Variants in AVEN observed in about 807,000 individuals in gnomAD.
AVEN encodes the protein apoptosis and caspase activation inhibitor.
A neutral mutation model predicts 38.1 loss-of-function variants in AVEN; 41 were observed. The observed-to-expected ratio is 1.08, with a 90% CI of 0.84 to 1.40. The LOEUF (loss-of-function observed/expected upper bound fraction) is 1.40. Ranked by LOEUF, AVEN falls within the 40% of genes most tolerant of loss-of-function variation. The pLI is 0.00. For synonymous variants in AVEN, 206 were observed against 171.8 expected (o/e 1.20, Z -1.56); for missense variants, 605 against 438.8 (o/e 1.38, Z -3.38).
rs201350717 is a variant in AVEN, at chr15:34,063,131, T to C, written n.1428A>G. The C allele has an allele frequency of 1.2e-6, 2 of 1,614,124 alleles. No homozygotes were observed. Among genetic ancestry groups the C allele is most frequent in the East Asian group, 2.2e-5 (1 of 44,886 alleles). ...TTTCCATCACAAGACCCTTGACATATCGGGCCAAGCGTACTCCGAAAAGGG... is the reference window on the plus strand; with the variant it reads ...TTTCCATCACAAGACCCTTGACATACCGGGCCAAGCGTACTCCGAAAAGGG... On this transcript the variant is annotated non_coding_transcript_exon_variant, in exon 5 of 12. Transcript: ENST00000675287. This position sits in a 1 kb window ranked among gnomAD's most constrained non-coding sequence, Gnocchi z 4.1.
chr15:33,982,879 G>A (rs1896216052), intron 2 of AVEN, among the ~76,000 whole-genome samples: 1 of 151,946 alleles, frequency 6.6e-6, no homozygotes, highest in African/African-American at 2.4e-5. Flanking sequence ...CCCAACTTCT[G>A]AGGGAGATCA....
At chr15:33,951,386 CTTCAT>C (rs1894739207) in intron 2 of AVEN, among the ~76,000 whole-genome samples, 1 of 144,864 alleles carries the variant, frequency 6.9e-6, no homozygotes, top group South Asian at 2.2e-4. Flanking sequence ...TCAAAAATTC[CTTCAT>C]TTCATACACC....
intron 1 of AVEN, among the ~76,000 whole-genome samples, chr15:34,019,920 A>G (rs763779948): frequency 6.6e-6 from 1 of 152,238 alleles, no homozygotes; most frequent in African/African-American, 2.4e-5. Flanking sequence ...ATAGAATTGC[A>G]AAGTCTTAAG....
At chr15:33,913,509 A>T (rs1203419126) in intron 2 of AVEN, among the ~76,000 whole-genome samples, 2 of 152,218 alleles carry the variant, frequency 1.3e-5, no homozygotes, top group African/African-American at 2.4e-5. Context: ...ATCTAATATT[A>T]AAATTACCTT....
At chr15:33,915,345 G>A (rs1309436465) in intron 2 of AVEN, among the ~76,000 whole-genome samples, 1 of 152,162 alleles carries the variant, frequency 6.6e-6, no homozygotes, top group East Asian at 1.9e-4. Context: ...ACTGTTGCGT[G>A]CCCAGAGTGT....
chr15:34,066,948 C>T (rs745376325), intron 2 of AVEN: 1 of 152,160 alleles, frequency 6.6e-6, no homozygotes, highest in Non-Finnish European at 1.5e-5. Flanking sequence ...GACAACTAGA[C>T]TTCTATAGAA....
At chr15:33,917,351 GGTGTGTGT>G (rs148147589) in intron 2 of AVEN, among the ~76,000 whole-genome samples, 23 of 140,356 alleles carry the variant, frequency 1.6e-4, no homozygotes, top group African/African-American at 4.5e-4. Flanking sequence ...AAGAAAATGT[GGTGTGTGT>G]GTGTGTGTGT....
intron 4 of AVEN, chr15:34,064,479 A>G: frequency 1.3e-6 from 1 of 789,872 alleles, no homozygotes; most frequent in Non-Finnish European, 2.0e-6. Flanking sequence ...GGAAGGGGCC[A>G]TAGCTGCAGC....
At chr15:34,016,661 A>G (rs921883040) in intron 1 of AVEN, among the ~76,000 whole-genome samples, 2 of 152,218 alleles carry the variant, frequency 1.3e-5, no homozygotes, top group Admixed American at 1.3e-4. Context: ...GCCTGCTTGT[A>G]TGCTATGGAG....
Position 34,038,949 on chromosome 15 carries a change from G to A in AVEN, c.98C>T (p.Ala33Val), listed in dbSNP as rs1211979696. Residue 33 changes from alanine (A) to valine (V), a missense_variant, in exon 1 of 6, where the codon GCG becomes GTG. Physicochemically the swap from Ala to Val is moderately conservative, Grantham distance 64. Transcript: ENST00000306730. The part of the protein sequence containing the change: ...DRHSERPGAA[A>V]AVARGGGGGG... ...TCCGCCGCCGCCTCTGGCTACCGCC[G>A]CTGCGGCTCCGGGCCGCTCGCTGTG... is the stretch of plus-strand genomic sequence containing the variant. 2 of 1,102,534 alleles carry A rather than the reference G, an allele frequency of 1.8e-6. No homozygotes were observed. The highest frequency in any genetic ancestry group is 1.1e-6 in the Non-Finnish European group (1 of 910,842). 68.3% of individuals were successfully genotyped at this position (1,102,534 alleles called of 1,614,324 possible). A position where few individuals can be genotyped will look rare whatever the true frequency, so the allele number is the denominator to read the frequency against.
chr15:33,897,927 C>G (rs561966021), intron 2 of AVEN, among the ~76,000 whole-genome samples: 1 of 151,102 alleles, frequency 6.6e-6, no homozygotes, highest in Non-Finnish European at 1.5e-5. Context: ...TGGTAGCTCA[C>G]GCCTGTAATC....
downstream of AVEN, among the ~76,000 whole-genome samples, chr15:33,862,082 G>C (rs569373865): frequency 6.6e-6 from 1 of 152,160 alleles, no homozygotes; most frequent in African/African-American, 2.4e-5. Flanking sequence ...AGAATGTATA[G>C]AGTGTATAGA....
chr15:33,899,190 C>A (rs899476921), intron 2 of AVEN, among the ~76,000 whole-genome samples: 2 of 152,096 alleles, frequency 1.3e-5, no homozygotes, highest in Non-Finnish European at 2.9e-5. Flanking sequence ...CCCTATGACA[C>A]AGTGAAGAGG....
Position 34,015,906 on chromosome 15 carries a change from T to G in AVEN, c.268-12697A>C, listed in dbSNP as rs553675255. ...TCAACAATTGGAGACAGTACATTCCTGGCTCCTTAGATGCACTCTTAACTT... is the reference window on the plus strand; with the variant it reads ...TCAACAATTGGAGACAGTACATTCCGGGCTCCTTAGATGCACTCTTAACTT... On this transcript the variant is annotated intron_variant, in intron 1 of 5. Transcript: ENST00000306730. Among the ~76,000 whole-genome samples the G allele has an allele frequency of 1.5e-4, 23 of 152,370 alleles. No individual in the cohort carries two copies. The South Asian group carries it at 4.6e-3, about 30-fold the overall frequency.
At chr15:33,856,747 C>G (rs1478653771), downstream of AVEN, 2 of 152,608 alleles carry the variant, frequency 1.3e-5, no homozygotes, top group East Asian at 3.8e-4. Context: ...CAACCTCCGA[C>G]TCCTGGGTTC....
intron 2 of AVEN, chr15:34,067,091 C>T: frequency 6.6e-6 from 1 of 152,160 alleles, no homozygotes; most frequent in East Asian, 1.9e-4. Context: ...CAGGCTTTGT[C>T]TATAGTAAAC....
intron 1 of AVEN, among the ~76,000 whole-genome samples, chr15:34,021,457 G>A (rs1233367392): frequency 6.6e-6 from 1 of 151,930 alleles, no homozygotes; most frequent in Non-Finnish European, 1.5e-5. Context: ...AGCTAAGTTT[G>A]TATTTTTAGT....
chr15:33,876,811 A>G (rs1891250500), intron 2 of AVEN, among the ~76,000 whole-genome samples: 1 of 152,200 alleles, frequency 6.6e-6, no homozygotes, highest in South Asian at 2.1e-4. Context: ...AAAGGACTGT[A>G]TAAGACCAAG....
chr15:34,048,202 A>C (rs1466269888), intron 5 of AVEN, among the ~76,000 whole-genome samples: 2 of 152,240 alleles, frequency 1.3e-5, no homozygotes, highest in African/African-American at 4.8e-5. Flanking sequence ...CAGGACCCGG[A>C]TCCATTCCTC....
Sources: allele counts gnomAD v4.1 joint callset (sites outside exome capture counted in the v4.1 genomes callset), GRCh38; gene constraint gnomAD v4.1.1; non-coding constraint Gnocchi (gnomAD v3.1); transcripts MANE v1.5; gene names NCBI Gene and HGNC (gene_info 2026-07-23, HGNC 2026-07-21).